The following PTPRT variants were observed in gnomAD, a reference collection of about 807,000 sequenced individuals.
PTPRT encodes protein tyrosine phosphatase receptor type T, also known as receptor-type tyrosine-protein phosphatase T.
Under a neutral mutation model 176.8 loss-of-function variants are expected in PTPRT, and 56 were observed. That is an observed-to-expected ratio of 0.32 (90% confidence interval 0.26 to 0.40). The LOEUF (loss-of-function observed/expected upper bound fraction) is 0.40, where lower values mean the gene tolerates loss of function less well. Ranked by LOEUF, PTPRT falls within the 10% of genes least tolerant of loss-of-function variation. The pLI is 1.00. For missense variants in PTPRT, 1,540 were observed against 1,908.2 expected (o/e 0.81, Z 3.60); for synonymous variants, 783 against 739.0 (o/e 1.06, Z -0.96).
At chr20:42,233,554 C>T (rs1285668825) in intron 15 of PTPRT, among the ~76,000 whole-genome samples, 1 of 152,192 alleles carries the variant, frequency 6.6e-6, no homozygotes, top group Non-Finnish European at 1.5e-5. Context: ...TTCTCCCCTC[C>T]TGTATAAATG....
chr20:42,644,332 C>T (rs1431887765), intron 7 of PTPRT, among the ~76,000 whole-genome samples: 2 of 152,138 alleles, frequency 1.3e-5, no homozygotes, highest in Admixed American at 1.3e-4. Flanking sequence ...TAAAGCTCTG[C>T]AATGTGTCCC....
chr20:42,757,758 T>C (rs1207495120), intron 5 of PTPRT, among the ~76,000 whole-genome samples: 3 of 152,222 alleles, frequency 2.0e-5, no homozygotes, highest in African/African-American at 7.2e-5. Flanking sequence ...CGTGGGCTTT[T>C]GTCTTCAGCA....
chr20:42,480,512 A>T (rs1298554235), intron 7 of PTPRT, among the ~76,000 whole-genome samples: 1 of 152,202 alleles, frequency 6.6e-6, no homozygotes, highest in Non-Finnish European at 1.5e-5. Flanking sequence ...CTTCCATTCT[A>T]CATACATATC....
intron 7 of PTPRT, chr20:42,607,524 A>T (rs2073900413): frequency 6.6e-6 from 1 of 152,298 alleles, no homozygotes; most frequent in African/African-American, 2.4e-5. Flanking sequence ...CCCAAGATTC[A>T]GAGGCTGAGC....
intron 3 of PTPRT, among the ~76,000 whole-genome samples, chr20:42,787,785 C>T (rs991292850): frequency 2.6e-5 from 4 of 152,132 alleles, no homozygotes; most frequent in Non-Finnish European, 4.4e-5. Flanking sequence ...TGAACACAGC[C>T]GAATGGCCTG....
rs892307117 is a variant in PTPRT, at chr20:42,079,955, T to C, written c.*924A>G. 1.7e-5 allele frequency: 4 copies of C among 232,104 alleles called. No individual in the cohort carries two copies. Among genetic ancestry groups the C allele is most frequent in the Non-Finnish European group, 2.6e-5 (3 of 117,394 alleles). The allele number at this position is 232,104 out of a possible 1,614,324, so 14.4% of individuals were successfully genotyped here. On this transcript the variant is annotated 3_prime_UTR_variant, in exon 31 of 31. Transcript: ENST00000373187. Reference sequence around the variant, plus strand: ...TTCTTTTTGACATAAGAGACTAAGATTTTACACCCTCCAAAAGAAAGTTTC... The same window carrying C: ...TTCTTTTTGACATAAGAGACTAAGACTTTACACCCTCCAAAAGAAAGTTTC...
In PTPRT at chr20:42,167,955, A is replaced by C. The variant is rs1254519735; in HGVS notation, c.2492-6413T>G. Among the ~76,000 whole-genome samples, 3 of 152,230 alleles carry C rather than the reference A, an allele frequency of 2.0e-5. No individual in the cohort carries two copies. In the East Asian group the frequency reaches 5.8e-4, roughly 29 times the overall value. On this transcript the variant is annotated intron_variant, in intron 16 of 30. Coordinates refer to ENST00000373187, the MANE Select transcript of PTPRT (RefSeq NM_007050.6). Reference sequence around the variant, plus strand: ...TACTAATAGCCTACTGTTGAGCAGAAGCCTTATTGATAACATAAACAGCTG... The same window carrying C: ...TACTAATAGCCTACTGTTGAGCAGACGCCTTATTGATAACATAAACAGCTG...
chr20:42,899,382 C>A (rs1213092156), intron 1 of PTPRT, among the ~76,000 whole-genome samples: 1 of 152,218 alleles, frequency 6.6e-6, no homozygotes, highest in African/African-American at 2.4e-5. Context: ...GAAGCCCAAG[C>A]CAAGCTCTTC....
At chr20:42,136,778 T>C (rs1489642403) in intron 18 of PTPRT, among the ~76,000 whole-genome samples, 7 of 152,154 alleles carry the variant, frequency 4.6e-5, no homozygotes, top group African/African-American at 1.7e-4. Flanking sequence ...GTAGTTGTTG[T>C]CGGGGGGTGA....
At chr20:42,514,433 TTC>T (rs2072021956) in intron 7 of PTPRT, among the ~76,000 whole-genome samples, 1 of 152,250 alleles carries the variant, frequency 6.6e-6, no homozygotes, top group African/African-American at 2.4e-5. Context: ...GTTCACGCTT[TTC>T]TTTTCTTTTC....
chr20:42,377,328 G>A (rs959771320), intron 9 of PTPRT, among the ~76,000 whole-genome samples: 2 of 152,142 alleles, frequency 1.3e-5, no homozygotes, highest in Non-Finnish European at 2.9e-5. Flanking sequence ...CCAACAAGTG[G>A]TTTATTCCTA....
intron 1 of PTPRT, among the ~76,000 whole-genome samples, chr20:43,062,205 T>C (rs1216216711): frequency 1.3e-5 from 2 of 152,212 alleles, no homozygotes; most frequent in Non-Finnish European, 2.9e-5. Flanking sequence ...ACCAAAACTC[T>C]GCACTTAAAA....
chr20:43,138,501 G>T (rs2013904371), intron 1 of PTPRT, among the ~76,000 whole-genome samples: 1 of 152,204 alleles, frequency 6.6e-6, no homozygotes, highest in African/African-American at 2.4e-5. Context: ...TTACCCCACA[G>T]GGTTACTGTG....
chr20:42,156,746 C>T (rs1313462148), intron 17 of PTPRT, among the ~76,000 whole-genome samples: 1 of 152,244 alleles, frequency 6.6e-6, no homozygotes, highest in Non-Finnish European at 1.5e-5. Flanking sequence ...TTAGGAAATG[C>T]TGTTGGCTCC....
chr20:42,558,105 C>A (rs1370772272), intron 7 of PTPRT, among the ~76,000 whole-genome samples: 1 of 151,972 alleles, frequency 6.6e-6, no homozygotes, highest in Non-Finnish European at 1.5e-5. Flanking sequence ...AACCTAGTAC[C>A]CTTTAGATAT....
At chr20:42,443,000 C>G (rs938168495) in intron 9 of PTPRT, among the ~76,000 whole-genome samples, 3 of 152,156 alleles carry the variant, frequency 2.0e-5, no homozygotes, top group Non-Finnish European at 2.9e-5. Flanking sequence ...TTAGGGAACC[C>G]TGATGCCTTA....
At chr20:42,851,163 C>A (rs1430263012) in intron 2 of PTPRT, among the ~76,000 whole-genome samples, 1 of 152,184 alleles carries the variant, frequency 6.6e-6, no homozygotes, top group Admixed American at 6.5e-5. Flanking sequence ...TCTTGTCTTA[C>A]ATCTATTCTG....
intron 16 of PTPRT, among the ~76,000 whole-genome samples, chr20:42,165,485 G>A (rs1313116097): frequency 6.6e-6 from 1 of 152,136 alleles, no homozygotes; most frequent in African/African-American, 2.4e-5. Context: ...TTGGCAATCT[G>A]GAAACATTCT....
intron 1 of PTPRT, among the ~76,000 whole-genome samples, chr20:42,953,036 G>T (rs940048628): frequency 2.6e-5 from 4 of 152,174 alleles, no homozygotes; most frequent in African/African-American, 9.7e-5. Context: ...CCTTAAATGG[G>T]TTTCTTCCCC....
Sources: allele counts gnomAD v4.1 joint callset (sites outside exome capture counted in the v4.1 genomes callset), GRCh38; gene constraint gnomAD v4.1.1; transcripts MANE v1.5; gene names NCBI Gene and HGNC (gene_info 2026-07-23, HGNC 2026-07-21).